The following PCDHGA11 variants were observed in gnomAD, a reference collection of about 807,000 sequenced individuals.
PCDHGA11 encodes protocadherin gamma-A11.
In PCDHGA11, 39 loss-of-function variants were observed where a neutral mutation model predicts 60.4. The observed-to-expected ratio is 0.65, with a 90% CI of 0.50 to 0.84. The LOEUF is 0.84. Among genes scored for constraint, PCDHGA11 ranks in the 40% least tolerant of loss-of-function variants. The pLI is 0.00. For synonymous variants in PCDHGA11, 533 were observed against 510.3 expected, an observed-to-expected ratio of 1.04 and a Z score of -0.60; for missense variants, 1,165 against 1,197.7, an observed-to-expected ratio of 0.97 and a Z score of 0.40.
At position 141,486,891 on chromosome 5, in the gene PCDHGA11, G is replaced by A. The variant is rs201201426; in HGVS notation, c.2434-7916G>A. 38 of 1,614,118 alleles carry A rather than the reference G, an allele frequency of 2.4e-5. No individual in the cohort carries two copies. The highest frequency in any genetic ancestry group is 3.1e-5 in the Non-Finnish European group (37 of 1,180,064). Reference sequence around the variant, plus strand: ...GTGCTCCGTCCTCGGGCCCGGCCTGGTTCCTTATGTCCCCAAGCACTGCCT... The same window carrying A: ...GTGCTCCGTCCTCGGGCCCGGCCTGATTCCTTATGTCCCCAAGCACTGCCT... On this transcript the variant is annotated intron_variant, in intron 1 of 3. Coordinates refer to ENST00000398587, the MANE Select transcript of PCDHGA11 (RefSeq NM_018914.3). This position sits in a 1 kb window ranked among gnomAD's most constrained non-coding sequence, Gnocchi z 5.0.
intron 1 of PCDHGA11, among the ~76,000 whole-genome samples, chr5:141,461,881 T>C (rs2099025428): frequency 6.6e-6 from 1 of 152,060 alleles, no homozygotes. Flanking sequence ...TGGAGTGCAA[T>C]GGCACGATCT....
At chr5:141,429,164 G>A (rs2097189096) in intron 1 of PCDHGA11, 1 of 131,392 alleles carries the variant, frequency 7.6e-6, no homozygotes, top group African/African-American at 3.1e-5. Flanking sequence ...CGGAGACATT[G>A]TTTATACACA....
chr5:141,489,206 C>A lies in PCDHGA11; in HGVS notation c.2434-5601C>A. On this transcript the variant is annotated intron_variant, in intron 1 of 3. Transcript: ENST00000398587. This position sits in a 1 kb window ranked among gnomAD's most constrained non-coding sequence, Gnocchi z 4.5. ...TGGGTCTACCTTGGAGACAGGACAG[C>A]ACAGACTTACTCTCCACAAAGGGAC... 2 of 1,439,024 alleles carry A rather than the reference C, an allele frequency of 1.4e-6. No individual in the cohort carries two copies. Among genetic ancestry groups the A allele is most frequent in the Non-Finnish European group, 1.9e-6 (2 of 1,060,928 alleles). 89.1% of individuals were successfully genotyped at this position (1,439,024 alleles called of 1,614,324 possible). A position where few individuals can be genotyped will look rare whatever the true frequency, so the allele number is the denominator to read the frequency against.
rs2099727742 is a variant in PCDHGA11 at position 141,491,740 on chromosome 5, G to C, written c.2434-3067G>C. On this transcript the variant is annotated intron_variant, in intron 1 of 3. Coordinates refer to ENST00000398587, the MANE Select transcript of PCDHGA11 (RefSeq NM_018914.3). The surrounding 1 kb of genome is among the most constrained non-coding windows in gnomAD (Gnocchi z 6.9). Reference sequence around the variant, plus strand: ...GCCGCCCCGGGCGACCCCTGGGGGCGGCACTGGAGAAGCCGCCCGTCCTCA... The same window carrying C: ...GCCGCCCCGGGCGACCCCTGGGGGCCGCACTGGAGAAGCCGCCCGTCCTCA... The C allele has an allele frequency of 6.3e-7, 1 of 1,597,622 alleles. No homozygotes were observed. The highest frequency in any genetic ancestry group is 8.5e-7 in the Non-Finnish European group (1 of 1,173,228).
At chr5:141,474,834 A>G (rs557557147) in intron 1 of PCDHGA11, among the ~76,000 whole-genome samples, 4 of 152,380 alleles carry the variant, frequency 2.6e-5, no homozygotes, top group South Asian at 4.1e-4. Context: ...ACTCTGTGCC[A>G]GGCACTTTAC....
intron 1 of PCDHGA11, among the ~76,000 whole-genome samples, chr5:141,443,505 A>G (rs553893860): frequency 4.4e-4 from 67 of 152,222 alleles, no homozygotes; most frequent in African/African-American, 1.4e-3. Context: ...AAACAAATAA[A>G]GAGCTTCTCT....
Position 141,486,786 on chromosome 5 carries a change from G to A in PCDHGA11, c.2434-8021G>A, listed in dbSNP as rs1360545946. The A allele has an allele frequency of 1.9e-6, 3 of 1,614,090 alleles. No individual in the cohort carries two copies. The highest frequency in any genetic ancestry group is 2.2e-5 in the East Asian group (1 of 44,892). ...ACACTGCAGTTTGAGGTGCAGGCCC[G>A]GGATCGGGGCAACCCACCCCTTAGC... is the stretch of plus-strand genomic sequence containing the variant. On this transcript the variant is annotated intron_variant, in intron 1 of 3. Coordinates refer to ENST00000398587, the MANE Select transcript of PCDHGA11 (RefSeq NM_018914.3). This position sits in a 1 kb window ranked among gnomAD's most constrained non-coding sequence, Gnocchi z 5.0.
chr5:141,463,510 G>A (rs1031854898), intron 1 of PCDHGA11, among the ~76,000 whole-genome samples: 4 of 143,710 alleles, frequency 2.8e-5, no homozygotes, highest in Non-Finnish European at 4.5e-5. Context: ...GTGACGTGGC[G>A]TGATCTCGGC....
At position 141,423,614 on chromosome 5, in the gene PCDHGA11, A is replaced by C. The variant is rs1365658002; in HGVS notation, c.2387A>C (p.Glu796Ala). 8 of 1,610,406 alleles carry C rather than the reference A, an allele frequency of 5.0e-6. No homozygotes were observed. The highest frequency in any genetic ancestry group is 6.8e-6 in the Non-Finnish European group (8 of 1,178,132). ...CEKSEPLLIA[E>A]DSAIILGKCD... ...AAAAGCGAGCCACTCTTGATAGCTG[A>C]AGACTCAGCTATCATTTTAGGCAAA... Residue 796 changes from glutamate to alanine, a missense_variant, in exon 1 of 4, where the codon GAA (glutamate) becomes GCA (alanine). Physicochemically the swap from Glu to Ala is moderately radical, Grantham distance 107. Transcript: ENST00000398587.
At position 141,423,253 on chromosome 5, in the gene PCDHGA11, C is replaced by T. The variant is rs750278899; in HGVS notation, c.2026C>T (p.Leu676Phe). The change falls in exon 1 of 4, where the codon CTC becomes TTC. Residue 676 changes from leucine to phenylalanine, a missense_variant. Coordinates refer to ENST00000398587, the MANE Select transcript of PCDHGA11 (RefSeq NM_018914.3). ...CAGCATCCCCGAAGTCCTGGCGGAC[C>T]TCGGCAGCCTCGAGTCTCTGGCTAA... ...ADSIPEVLAD[L>F]GSLESLANSE... The T allele has an allele frequency of 6.2e-7, 1 of 1,613,916 alleles. No homozygotes were observed. The highest frequency in any genetic ancestry group is 8.5e-7 in the Non-Finnish European group (1 of 1,180,006).
At chr5:141,494,889 A>G (rs2099757275) in intron 2 of PCDHGA11, 24 bp downstream of exon 2, 1 of 1,613,844 alleles carries the variant, frequency 6.2e-7, no homozygotes, top group Admixed American at 1.7e-5. Context: ...TCTCCAGCCC[A>G]CCCTCTTCTC....
At chr5:141,427,087 A>G (rs1338132084) in intron 1 of PCDHGA11, 1 of 458,198 alleles carries the variant, frequency 2.2e-6, no homozygotes, top group Non-Finnish European at 4.4e-6. Flanking sequence ...ACTGACCAGG[A>G]TGAGGGTGTC....
Position 141,486,178 on chromosome 5 carries a change from C to A in PCDHGA11, c.2434-8629C>A, listed in dbSNP as rs767840363. On this transcript the variant is annotated intron_variant, in intron 1 of 3. Transcript: ENST00000398587. This position sits in a 1 kb window ranked among gnomAD's most constrained non-coding sequence, Gnocchi z 5.0. ...CTCCAGCCATGGAGCAACATTGCAG[C>A]CTTCGAGTGGATCTGCTGGACGTAA... 1.2e-6 allele frequency: 2 copies of A among 1,614,194 alleles called. No homozygotes were observed. The highest frequency in any genetic ancestry group is 2.2e-5 in the East Asian group (1 of 44,882).
chr5:141,438,983 T>C (rs1296267457), intron 1 of PCDHGA11, among the ~76,000 whole-genome samples: 1 of 151,930 alleles, frequency 6.6e-6, no homozygotes, highest in Non-Finnish European at 1.5e-5. Context: ...TGACTTATCT[T>C]AAAAGGCTAA....
rs1177173734 is a variant in PCDHGA11, at chr5:141,491,741, G to T, written c.2434-3066G>T. 1.3e-6 allele frequency: 2 copies of T among 1,595,762 alleles called. No individual in the cohort carries two copies. On this transcript the variant is annotated intron_variant, in intron 1 of 3. Transcript: ENST00000398587. This position sits in a 1 kb window ranked among gnomAD's most constrained non-coding sequence, Gnocchi z 6.9. ...CCGCCCCGGGCGACCCCTGGGGGCG[G>T]CACTGGAGAAGCCGCCCGTCCTCAT... is the stretch of plus-strand genomic sequence containing the variant.
Position 141,421,921 on chromosome 5 carries a change from G to T in PCDHGA11, c.694G>T (p.Val232Leu). 1 of 1,613,644 alleles carries T rather than the reference G, an allele frequency of 6.2e-7. No individual in the cohort carries two copies. The highest frequency in any genetic ancestry group is 8.5e-7 in the Non-Finnish European group (1 of 1,179,840). ...AAAGGGCGCAGTTCCCATTCGTGTGGTGGTCCTCGATGTAAATGATCACAT... is the reference window on the plus strand; with the variant it reads ...AAAGGGCGCAGTTCCCATTCGTGTGTTGGTCCTCGATGTAAATGATCACAT... The part of the protein sequence containing the change: ...IRKGAVPIRV[V>L]VLDVNDHIPM... Residue 232 changes from valine to leucine, a missense_variant, in exon 1 of 4, where the codon GTG becomes TTG. Physicochemically the swap from Val to Leu is conservative, Grantham distance 32. Coordinates refer to ENST00000398587, the MANE Select transcript of PCDHGA11 (RefSeq NM_018914.3).
chr5:141,433,742 C>G (rs927651405), intron 1 of PCDHGA11, among the ~76,000 whole-genome samples: 1 of 150,826 alleles, frequency 6.6e-6, no homozygotes, highest in Non-Finnish European at 1.5e-5. Flanking sequence ...GAGGCTGAGT[C>G]AGGAGAATTG....
intron 1 of PCDHGA11, among the ~76,000 whole-genome samples, chr5:141,461,001 A>G (rs1309762345): frequency 4.0e-5 from 6 of 150,320 alleles, no homozygotes; most frequent in South Asian, 4.2e-4. Context: ...ATATATGTGT[A>G]TATATATATA....
intron 1 of PCDHGA11, among the ~76,000 whole-genome samples, chr5:141,460,914 A>G (rs62379191): frequency 4.9e-5 from 6 of 122,236 alleles, no homozygotes; most frequent in Non-Finnish European, 5.2e-5. Context: ...TCCATGGTGT[A>G]TATATATATA....
Sources: allele counts gnomAD v4.1 joint callset (sites outside exome capture counted in the v4.1 genomes callset), GRCh38; gene constraint gnomAD v4.1.1; non-coding constraint Gnocchi (gnomAD v3.1); transcripts MANE v1.5; gene names NCBI Gene and HGNC (gene_info 2026-07-23, HGNC 2026-07-21).